The following SGK3 variants were observed in gnomAD, a reference collection of about 807,000 sequenced individuals.
The protein encoded by SGK3 is serine/threonine-protein kinase Sgk3.
A neutral mutation model predicts 68.5 loss-of-function variants in SGK3; 47 were observed. That is an observed-to-expected ratio of 0.69 (90% CI 0.54 to 0.87). The LOEUF is 0.87. Ranked by LOEUF, SGK3 falls within the 40% of genes least tolerant of loss-of-function variation. The probability of loss-of-function intolerance (pLI) is 0.00; values close to 1 mark genes in which losing one functional copy is unlikely to be tolerated. For synonymous variants in SGK3, 181 were observed against 189.1 expected (o/e 0.96, Z 0.35); for missense variants, 479 against 575.5 (o/e 0.83, Z 1.72).
intron 8 of SGK3, among the ~76,000 whole-genome samples, chr8:66,834,069 G>A (rs118147949): frequency 0.014 from 2,111 of 152,268 alleles, 19 homozygotes; most frequent in Non-Finnish European, 0.023. Flanking sequence ...TGACACATTG[G>A]TTCTACTCCC....
intron 7 of SGK3, among the ~76,000 whole-genome samples, chr8:66,830,229 T>TCG (rs1809250934): frequency 6.6e-6 from 1 of 152,206 alleles, no homozygotes; most frequent in Admixed American, 6.5e-5. Flanking sequence ...TGGCCTCAGC[T>TCG]CGCCTATTTA....
chr8:66,773,909 G>C (rs1806598508), intron 1 of SGK3, among the ~76,000 whole-genome samples: 1 of 152,218 alleles, frequency 6.6e-6, no homozygotes, highest in Admixed American at 6.5e-5. Context: ...CTGTTGATAA[G>C]GGTATGTGTC....
intron 4 of SGK3, among the ~76,000 whole-genome samples, chr8:66,812,367 G>A (rs1808412300): frequency 6.6e-6 from 1 of 151,882 alleles, no homozygotes; most frequent in African/African-American, 2.4e-5. Flanking sequence ...GACCAGCCTG[G>A]CTAACATGAT....
chr8:66,757,914 T>TAA (rs199791389), intron 1 of SGK3, among the ~76,000 whole-genome samples: 2 of 125,130 alleles, frequency 1.6e-5, no homozygotes, highest in African/African-American at 6.1e-5. Flanking sequence ...GACTCCAGCT[T>TAA]AAAAAAAAAA....
intron 1 of SGK3, among the ~76,000 whole-genome samples, chr8:66,715,489 A>G (rs1399418380): frequency 6.6e-6 from 1 of 152,042 alleles, no homozygotes; most frequent in South Asian, 2.1e-4. Context: ...AACCCCTGAC[A>G]TGATCAGCCT....
intron 1 of SGK3, among the ~76,000 whole-genome samples, chr8:66,785,070 T>C (rs962897988): frequency 1.3e-5 from 2 of 152,230 alleles, no homozygotes; most frequent in Non-Finnish European, 2.9e-5. Context: ...GACCAAGTGC[T>C]GTCCAGACTT....
chr8:66,723,119 ATATATATATATATTTTTTTTTT>A (rs1381412256), intron 1 of SGK3, among the ~76,000 whole-genome samples: 3 of 50,404 alleles, frequency 6.0e-5, no homozygotes, highest in Admixed American at 4.4e-4. Context: ...ATATATATAT[ATATATATATATATTTTTTTTTT>A]TTTTTTTTTT....
intron 2 of SGK3, among the ~76,000 whole-genome samples, chr8:66,796,177 G>A (rs544853971): frequency 2.7e-4 from 41 of 151,466 alleles, no homozygotes; most frequent in Non-Finnish European, 4.6e-4. Context: ...TCGCTCTGTC[G>A]CCAGGCTGGA....
Position 66,850,812 on chromosome 8 carries a change from A to AT in SGK3, c.1231-11dup, listed in dbSNP as rs559860903. On this transcript the variant is annotated intron_variant, in intron 15 of 16. Coordinates refer to ENST00000521198, the MANE Select transcript of SGK3 (RefSeq NM_001033578.3). ...ATATTCTTCGGCATTAGTAAAACAA[A>AT]TTTTTTTTAATATTCCAGCTTGAAA... 1.6e-5 allele frequency: 26 copies of AT among 1,579,704 alleles called. No homozygotes were observed. Among genetic ancestry groups the AT allele is most frequent in the East Asian group, 4.6e-5 (2 of 43,706 alleles).
At chr8:66,758,656 T>A (rs1240060563) in intron 1 of SGK3, among the ~76,000 whole-genome samples, 1 of 152,110 alleles carries the variant, frequency 6.6e-6, no homozygotes, top group East Asian at 1.9e-4. Context: ...TCTTAGATAT[T>A]AGATACAATG....
At chr8:66,826,206 C>T (rs941358251) in intron 6 of SGK3, among the ~76,000 whole-genome samples, 2 of 151,974 alleles carry the variant, frequency 1.3e-5, no homozygotes, top group African/African-American at 2.4e-5. Context: ...CTCTTGACCT[C>T]GTGATCCACC....
At chr8:66,723,108 TATATATATATATA>T (rs1563595105) in intron 1 of SGK3, among the ~76,000 whole-genome samples, 1 of 43,010 alleles carries the variant, frequency 2.3e-5, no homozygotes, top group African/African-American at 9.6e-5. Flanking sequence ...TATATATATA[TATATATATATATA>T]TATATATATA....
At chr8:66,799,616 A>G (rs778460736) in intron 3 of SGK3, among the ~76,000 whole-genome samples, 59 of 152,208 alleles carry the variant, frequency 3.9e-4, no homozygotes, top group Admixed American at 6.5e-4. Context: ...CAAATCCCCA[A>G]TGTATTTATT....
At chr8:66,780,298 C>G (rs1202378993) in intron 1 of SGK3, among the ~76,000 whole-genome samples, 1 of 152,166 alleles carries the variant, frequency 6.6e-6, no homozygotes, top group Admixed American at 6.6e-5. Context: ...CTCTCTCCAC[C>G]TGTTGAATAA....
intron 1 of SGK3, among the ~76,000 whole-genome samples, chr8:66,772,977 G>A (rs900722105): frequency 1.3e-5 from 2 of 152,166 alleles, no homozygotes; most frequent in South Asian, 2.1e-4. Flanking sequence ...ACATGGTAAC[G>A]TGAGTGGTGC....
At chr8:66,848,853 A>G (rs1810145502) in intron 15 of SGK3, among the ~76,000 whole-genome samples, 1 of 152,018 alleles carries the variant, frequency 6.6e-6, no homozygotes, top group Admixed American at 6.6e-5. Flanking sequence ...CCCTTTCCCA[A>G]GCTCTTTCAT....
At chr8:66,737,855 A>G (rs1398939255) in intron 1 of SGK3, among the ~76,000 whole-genome samples, 4 of 151,986 alleles carry the variant, frequency 2.6e-5, no homozygotes, top group East Asian at 1.9e-4. Flanking sequence ...ACCTCTGGCC[A>G]TCCGCCCACC....
At chr8:66,771,973 C>A (rs893501455) in intron 1 of SGK3, among the ~76,000 whole-genome samples, 8 of 149,982 alleles carry the variant, frequency 5.3e-5, no homozygotes, top group Non-Finnish European at 1.0e-4. Context: ...CATGAAGTAA[C>A]TGGTGTTACT....
intron 14 of SGK3, among the ~76,000 whole-genome samples, chr8:66,844,139 A>G (rs1296318990): frequency 6.6e-6 from 1 of 151,998 alleles, no homozygotes; most frequent in African/African-American, 2.4e-5. Context: ...TGGTTGTAAT[A>G]TTAAAATTAT....
Sources: gnomAD v4.1 joint callset for allele counts (sites outside exome capture counted in the v4.1 genomes callset) on GRCh38, gnomAD v4.1.1 for gene constraint, MANE v1.5 for transcripts, NCBI Gene and HGNC (gene_info 2026-07-23, HGNC 2026-07-21) for gene names.